POFUT3: variants seen among roughly 807,000 people sequenced by gnomAD.
The protein encoded by POFUT3 is protein O-fucosyltransferase 3, also known as GDP-fucose protein O-fucosyltransferase 3.
the POFUT3 span, among the ~76,000 whole-genome samples, chr8:33,437,846 T>C: frequency 1.3e-5 from 2 of 152,102 alleles, no homozygotes. Flanking sequence ...AAGGAATTTG[T>C]ATTTACATTT....
At chr8:33,308,091 G>A in the POFUT3 span, among the ~76,000 whole-genome samples, 4 of 151,908 alleles carry the variant, frequency 2.6e-5, no homozygotes, top group South Asian at 4.2e-4. Context: ...TATTGCATAC[G>A]CACAAGTAAA....
the POFUT3 span, among the ~76,000 whole-genome samples, chr8:33,447,002 T>G: frequency 1.3e-5 from 2 of 152,190 alleles, no homozygotes; most frequent in Non-Finnish European, 2.9e-5. Flanking sequence ...AAGCATCGAC[T>G]AGGTCTGCTC....
At chr8:33,409,687 C>T in the POFUT3 span, among the ~76,000 whole-genome samples, 1 of 152,054 alleles carries the variant, frequency 6.6e-6, no homozygotes, top group Non-Finnish European at 1.5e-5. Context: ...AGGTAGATCA[C>T]GAGGTCAAGA....
At chr8:33,337,959 G>T in the POFUT3 span, among the ~76,000 whole-genome samples, 1 of 152,092 alleles carries the variant, frequency 6.6e-6, no homozygotes, top group Non-Finnish European at 1.5e-5. Flanking sequence ...TTTCCTTTCT[G>T]TCTTTTTTGA....
the POFUT3 span, among the ~76,000 whole-genome samples, chr8:33,455,563 G>A: frequency 6.6e-6 from 1 of 152,156 alleles, no homozygotes; most frequent in Non-Finnish European, 1.5e-5. Flanking sequence ...AATTGATATG[G>A]CACTAATTAT....
At chr8:33,332,491 A>T in the POFUT3 span, among the ~76,000 whole-genome samples, 1 of 149,322 alleles carries the variant, frequency 6.7e-6, no homozygotes, top group East Asian at 2.0e-4. Flanking sequence ...TCTGAAAGAA[A>T]AAAAAAAAAA....
At chr8:33,338,781 A>G in the POFUT3 span, 77 of 152,326 alleles carry the variant, frequency 5.1e-4, no homozygotes, top group African/African-American at 1.8e-3. Context: ...GGCAGAAATG[A>G]TGCAGTACAC....
the POFUT3 span, among the ~76,000 whole-genome samples, chr8:33,358,838 TA>T: frequency 2.7e-5 from 4 of 147,150 alleles, no homozygotes; most frequent in Admixed American, 6.8e-5. Context: ...CCCCATCTCT[TA>T]AAAAAAAAAG....
chr8:33,453,450 C>T, the POFUT3 span: 2 of 1,613,774 alleles, frequency 1.2e-6, no homozygotes, highest in East Asian at 2.2e-5. Context: ...TTTGTATGTC[C>T]ATCTTGCAAA....
chr8:33,405,056 C>T, the POFUT3 span, among the ~76,000 whole-genome samples: 20 of 152,066 alleles, frequency 1.3e-4, no homozygotes, highest in African/African-American at 4.6e-4. Context: ...CCAGTGATCT[C>T]GTGGCTTTTT....
At chr8:33,398,355 G>A in the POFUT3 span, among the ~76,000 whole-genome samples, 1 of 152,164 alleles carries the variant, frequency 6.6e-6, no homozygotes, top group Non-Finnish European at 1.5e-5. Context: ...TGTTAACACT[G>A]TTTTTAAACA....
chr8:33,392,947 T>C, the POFUT3 span, among the ~76,000 whole-genome samples: 8 of 151,842 alleles, frequency 5.3e-5, no homozygotes, highest in Admixed American at 2.6e-4. Context: ...CACCACTGCA[T>C]TCCCTCCTGG....
the POFUT3 span, among the ~76,000 whole-genome samples, chr8:33,458,413 T>C: frequency 1.3e-5 from 2 of 152,198 alleles, no homozygotes; most frequent in African/African-American, 4.8e-5. Flanking sequence ...GTATTTCATT[T>C]GCCTAAAAAC....
the POFUT3 span, chr8:33,453,086 T>C: frequency 2.2e-6 from 2 of 888,964 alleles, no homozygotes; most frequent in Admixed American, 5.1e-5. Flanking sequence ...ACAGAGCAAA[T>C]GCAAAGGAAA....
At chr8:33,407,854 T>G in the POFUT3 span, among the ~76,000 whole-genome samples, 1 of 150,686 alleles carries the variant, frequency 6.6e-6, no homozygotes, top group Non-Finnish European at 1.5e-5. Context: ...AATACAAAAA[T>G]TAGCCAGGCA....
At chr8:33,310,752 C>CATTTCCATCTATTCTCCTGTGGCTTTCAG in the POFUT3 span, among the ~76,000 whole-genome samples, 302 of 152,038 alleles carry the variant, frequency 2.0e-3, 9 homozygotes, top group East Asian at 0.051. Context: ...AGAGCTGTGC[C>CATTTCCATCTATTCTCCTGTGGCTTTCAG]ATTTCCATCT....
chr8:33,369,078 G>A, the POFUT3 span, among the ~76,000 whole-genome samples: 6 of 152,158 alleles, frequency 3.9e-5, no homozygotes, highest in Admixed American at 2.0e-4. Flanking sequence ...CCTTTTTCTG[G>A]ACAAATCTCA....
At chr8:33,425,902 CA>C in the POFUT3 span, among the ~76,000 whole-genome samples, 5,595 of 106,110 alleles carry the variant, frequency 0.053, 125 homozygotes, top group East Asian at 0.14. Flanking sequence ...AACTCCATCT[CA>C]AAAAAAAAAA....
chr8:33,416,574 G>A, the POFUT3 span, among the ~76,000 whole-genome samples: 1 of 151,834 alleles, frequency 6.6e-6, no homozygotes, highest in South Asian at 2.1e-4. Flanking sequence ...TGCCAGGTGT[G>A]GGGGTGCATG....
Sources: allele counts gnomAD v4.1 joint callset (sites outside exome capture counted in the v4.1 genomes callset), GRCh38; gene constraint gnomAD v4.1.1; transcripts MANE v1.5; gene names NCBI Gene and HGNC (gene_info 2026-07-23, HGNC 2026-07-21).